Variants in CLSTN2 observed in about 807,000 individuals in gnomAD.
CLSTN2 encodes the protein calsyntenin 2, also known as calsyntenin-2.
A neutral mutation model predicts 101.2 loss-of-function variants in CLSTN2; 48 were observed. The ratio of observed to expected loss-of-function variants is 0.47; its 90% CI spans 0.38 to 0.60. The LOEUF (loss-of-function observed/expected upper bound fraction) is 0.60, where lower values mean the gene tolerates loss of function less well. Among genes scored for constraint, CLSTN2 ranks in the 20% least tolerant of loss-of-function variants. The pLI, the probability that CLSTN2 is intolerant of heterozygous loss-of-function variation, is 0.00. For synonymous variants in CLSTN2, 481 were observed against 463.6 expected (o/e 1.04, Z -0.48); for missense variants, 1,160 against 1,238.2 (o/e 0.94, Z 0.95).
intron 2 of CLSTN2, among the ~76,000 whole-genome samples, chr3:140,382,634 T>A (rs1249224910): frequency 6.6e-6 from 1 of 152,182 alleles, no homozygotes; most frequent in African/African-American, 2.4e-5. Flanking sequence ...GGAGCTGCTA[T>A]AATAAAACAC....
chr3:140,116,575 A>G (rs1291247530), intron 1 of CLSTN2, among the ~76,000 whole-genome samples: 1 of 152,176 alleles, frequency 6.6e-6, no homozygotes, highest in Admixed American at 6.5e-5. Context: ...ACTCACCTGC[A>G]GGGCCGATCC....
intron 1 of CLSTN2, among the ~76,000 whole-genome samples, chr3:140,163,872 A>C (rs2010090759): frequency 6.6e-6 from 1 of 151,850 alleles, no homozygotes; most frequent in Admixed American, 6.6e-5. Flanking sequence ...CTGGTTAGCT[A>C]TGTTAATGAT....
chr3:140,290,114 A>G (rs1453739063), intron 2 of CLSTN2, among the ~76,000 whole-genome samples: 4 of 151,938 alleles, frequency 2.6e-5, no homozygotes, highest in Admixed American at 2.0e-4. Flanking sequence ...ATCAGAAAAG[A>G]TTGTCATTAT....
At chr3:140,239,085 T>C (rs2086438763) in intron 2 of CLSTN2, among the ~76,000 whole-genome samples, 2 of 152,204 alleles carry the variant, frequency 1.3e-5, no homozygotes, top group South Asian at 4.1e-4. Flanking sequence ...CCAGCAATCT[T>C]TGGCCACATC....
intron 2 of CLSTN2, among the ~76,000 whole-genome samples, chr3:140,273,465 A>G (rs1191395266): frequency 6.6e-6 from 1 of 152,206 alleles, no homozygotes; most frequent in Non-Finnish European, 1.5e-5. Context: ...AGCTGAAGAA[A>G]TGAAAGCTTC....
intron 4 of CLSTN2, among the ~76,000 whole-genome samples, chr3:140,410,110 A>C (rs1422084701): frequency 6.6e-6 from 1 of 152,108 alleles, no homozygotes. Flanking sequence ...TGGCTAAGAA[A>C]GAGGTAGAAA....
intron 8 of CLSTN2, among the ~76,000 whole-genome samples, chr3:140,472,146 G>T (rs927496476): frequency 2.0e-5 from 3 of 151,998 alleles, no homozygotes; most frequent in Admixed American, 2.0e-4. Flanking sequence ...ATACCCAGAG[G>T]GTCCCTTCAA....
chr3:140,043,142 A>C (rs1406859679), intron 1 of CLSTN2, among the ~76,000 whole-genome samples: 1 of 152,190 alleles, frequency 6.6e-6, no homozygotes, highest in East Asian at 1.9e-4. Context: ...TCCCACCAAC[A>C]GTGTAAAAGT....
At chr3:140,480,741 CT>C (rs1472757706) in intron 8 of CLSTN2, among the ~76,000 whole-genome samples, 1 of 152,136 alleles carries the variant, frequency 6.6e-6, no homozygotes, top group Non-Finnish European at 1.5e-5. Context: ...GCATAAATGT[CT>C]TCTTTTGAGA....
At chr3:140,363,610 G>C (rs2087753682) in intron 2 of CLSTN2, among the ~76,000 whole-genome samples, 1 of 60,014 alleles carries the variant, frequency 1.7e-5, no homozygotes. Context: ...GGACCCGGTA[G>C]GCACTTAGGG....
At chr3:139,967,134 C>T (rs1471568280) in intron 1 of CLSTN2, among the ~76,000 whole-genome samples, 3 of 152,098 alleles carry the variant, frequency 2.0e-5, no homozygotes, top group Admixed American at 6.5e-5. Context: ...AACACCTGCC[C>T]CTGTCCATGG....
At position 140,152,133 on chromosome 3, in the gene CLSTN2, T is replaced by C. The variant is rs549711982; in HGVS notation, c.110-23818T>C. Reference sequence around the variant, plus strand: ...TAGCTATTAATTAATGTATTATTACTAAAAATTAATGTATTTTATTAATTC... The same window carrying C: ...TAGCTATTAATTAATGTATTATTACCAAAAATTAATGTATTTTATTAATTC... On this transcript the variant is annotated intron_variant, in intron 1 of 16. Transcript: ENST00000458420. Among the ~76,000 whole-genome samples, 34 of 152,338 alleles carry C rather than the reference T, an allele frequency of 2.2e-4. No individual in the cohort carries two copies. In the South Asian group the frequency reaches 6.2e-3, roughly 28 times the overall value.
intron 8 of CLSTN2, among the ~76,000 whole-genome samples, chr3:140,485,966 C>G (rs181918866): frequency 6.9e-6 from 1 of 145,478 alleles, no homozygotes; most frequent in African/African-American, 2.5e-5. Context: ...ACCCACTGTC[C>G]GACAACCCCC....
intron 7 of CLSTN2, chr3:140,462,612 T>C (rs1202022136): frequency 6.6e-6 from 1 of 152,206 alleles, no homozygotes; most frequent in Non-Finnish European, 1.5e-5. Context: ...ATAACAGAAT[T>C]GACTAGTCAG....
At chr3:139,961,699 G>A (rs574759771) in intron 1 of CLSTN2, among the ~76,000 whole-genome samples, 3 of 151,998 alleles carry the variant, frequency 2.0e-5, no homozygotes, top group South Asian at 2.1e-4. Flanking sequence ...AAAGATTAGC[G>A]GATTTTCTTA....
chr3:140,176,130 A>T, intron 2 of CLSTN2, 57 bp downstream of exon 2: 1 of 1,594,600 alleles, frequency 6.3e-7, no homozygotes, highest in Non-Finnish European at 8.6e-7. Flanking sequence ...GTGCTGTGAA[A>T]CCTCCACAAA....
intron 6 of CLSTN2, among the ~76,000 whole-genome samples, chr3:140,451,095 G>A (rs1218031465): frequency 6.6e-6 from 1 of 152,148 alleles, no homozygotes; most frequent in Non-Finnish European, 1.5e-5. Context: ...CCATGCACCT[G>A]AATTATAAGT....
At chr3:140,073,068 C>T (rs1385839724) in intron 1 of CLSTN2, among the ~76,000 whole-genome samples, 4 of 152,178 alleles carry the variant, frequency 2.6e-5, no homozygotes, top group Admixed American at 6.5e-5. Context: ...AACACAAACA[C>T]GAATGGTGGC....
At chr3:140,273,238 C>A (rs536478927) in intron 2 of CLSTN2, among the ~76,000 whole-genome samples, 2 of 152,138 alleles carry the variant, frequency 1.3e-5, no homozygotes, top group South Asian at 4.2e-4. Flanking sequence ...GCAGGGAGAG[C>A]ATTAGGACAA....
Sources: gnomAD v4.1 joint callset for allele counts (sites outside exome capture counted in the v4.1 genomes callset) on GRCh38, gnomAD v4.1.1 for gene constraint, MANE v1.5 for transcripts, NCBI Gene and HGNC (gene_info 2026-07-23, HGNC 2026-07-21) for gene names.